The following HSPB1 variants were observed in gnomAD, a reference collection of about 807,000 sequenced individuals.
HSPB1 encodes the protein heat shock protein family B (small) member 1.
In HSPB1, 19 loss-of-function variants were observed where a neutral mutation model predicts 17.0. The ratio of observed to expected loss-of-function variants is 1.12; its 90% confidence interval spans 0.78 to 1.64. HSPB1 has a LOEUF of 1.64. Among genes scored for constraint, HSPB1 ranks in the 40% most tolerant of loss-of-function variants. The pLI is 0.00. For missense variants in HSPB1, 348 were observed against 289.2 expected (o/e 1.20, Z -1.47); for synonymous variants, 165 against 129.8 (o/e 1.27, Z -1.84).
intron 1 of HSPB1, chr7:76,303,573 C>A: frequency 1.7e-6 from 1 of 603,870 alleles, no homozygotes; most frequent in Middle Eastern, 4.5e-4. Flanking sequence ...ACTGCTCACT[C>A]CCCAGCTCCG....
chr7:76,303,129 G>C lies in HSPB1; in HGVS notation c.364+53G>C, dbSNP rs148768691. The C allele has an allele frequency of 8.1e-5, 121 of 1,493,962 alleles. 1 individual carries two copies. In the East Asian group the frequency reaches 3.0e-3, roughly 37 times the overall value. The allele number at this position is 1,493,962 out of a possible 1,614,324, so 92.5% of individuals were successfully genotyped here. On this transcript the variant is annotated intron_variant, in intron 1 of 2. Coordinates refer to ENST00000248553, the MANE Select transcript of HSPB1 (RefSeq NM_001540.5). ...AGGAGGAGGCTAGCAGGGCGGGCAG[G>C]GCCGGGGGCGTGCGGTTGAAACGGG...
At position 76,304,046 on chromosome 7, in the gene HSPB1, C is replaced by T. The variant is rs1193492001; in HGVS notation, c.491C>T (p.Thr164Ile). Residue 164 changes from threonine (T) to isoleucine (I), a missense_variant, in exon 3 of 3, where the codon ACC becomes ATC. Transcript: ENST00000248553. ...TCCCTGTCCCCTGAGGGCACACTGACCGTGGAGGCCCCCATGCCCAAGCTA... is the reference window on the plus strand; with the variant it reads ...TCCCTGTCCCCTGAGGGCACACTGATCGTGGAGGCCCCCATGCCCAAGCTA... ...SSSLSPEGTL[T>I]VEAPMPKLAT... The T allele has an allele frequency of 6.2e-7, 1 of 1,613,736 alleles. No individual in the cohort carries two copies. The highest frequency in any genetic ancestry group is 8.5e-7 in the Non-Finnish European group (1 of 1,179,982).
intron 1 of HSPB1, chr7:76,303,600 T>G: frequency 1.6e-6 from 1 of 626,672 alleles, no homozygotes; most frequent in East Asian, 2.7e-5. Flanking sequence ...GCTCCGTTCC[T>G]CCCAAAACTC....
intron 1 of HSPB1, 56 bp downstream of exon 1, chr7:76,303,132 CG>C (rs1803034521): frequency 1.3e-6 from 2 of 1,488,466 alleles, no homozygotes; most frequent in South Asian, 1.3e-5. Context: ...CGGGCAGGGC[CG>C]GGGGCGTGCG....
chr7:76,303,668 TCCCCAACCCC>T, intron 1 of HSPB1, 124 bp from the exon 2 acceptor site: 5 of 680,536 alleles, frequency 7.3e-6, no homozygotes, highest in Non-Finnish European at 1.3e-5. Context: ...CACGCCCCCA[TCCCCAACCCC>T]CTCTGTTAAT....
intron 2 of HSPB1, 46 bp downstream of exon 2, chr7:76,303,911 G>C (rs1272337953): frequency 6.2e-7 from 1 of 1,609,856 alleles, no homozygotes; most frequent in Non-Finnish European, 8.5e-7. Flanking sequence ...CGTGGGGGTG[G>C]GGTCAGGGAA....
In HSPB1 at chr7:76,302,746, C is replaced by A. The variant is rs764636205; in HGVS notation, c.34C>A (p.Arg12=). The change falls in exon 1 of 3, where the codon CGG becomes AGG. Residue 12 remains arginine, a synonymous_variant. Transcript: ENST00000248553. ...GCGCCGCGTCCCCTTCTCGCTCCTG[C>A]GGGGCCCCAGCTGGGACCCCTTCCG... is the stretch of plus-strand genomic sequence containing the variant. ...TERRVPFSLL[R]GPSWDPFRDW... 4 of 1,605,676 alleles carry A rather than the reference C, an allele frequency of 2.5e-6. No homozygotes were observed. The African/African-American group carries it at 4.0e-5, about 16-fold the overall frequency.
Position 76,304,168 on chromosome 7 carries a change from A to C in HSPB1, c.613A>C (p.Lys205Gln). ...TGCAAAATCCGATGAGACTGCCGCC[A>C]AGTAAAGCCTTAGCCCGGATGCCCA... is the stretch of plus-strand genomic sequence containing the variant. ...EAAKSDETAA[K>Q] The change falls in exon 3 of 3, where the codon AAG becomes CAG. Residue 205 changes from lysine to glutamine, a missense_variant. Transcript: ENST00000248553. 6.2e-7 allele frequency: 1 copy of C among 1,609,972 alleles called. No individual in the cohort carries two copies. Among genetic ancestry groups the C allele is most frequent in the Non-Finnish European group, 8.5e-7 (1 of 1,178,420 alleles).
chr7:76,302,812 GGGCTGCCCC>G lies in HSPB1; in HGVS notation c.108_116del (p.Arg37_Pro39del). 6.2e-7 allele frequency: 1 copy of G among 1,607,554 alleles called. No homozygotes were observed. Among genetic ancestry groups the G allele is most frequent in the Non-Finnish European group, 8.5e-7 (1 of 1,179,034 alleles). On this transcript the variant is annotated inframe_deletion, in exon 1 of 3. Transcript: ENST00000248553. ...TAGCCGCCTCTTCGACCAGGCCTTC[GGGCTGCCCC>G]GGCTGCCGGAGGAGTGGTCGCAGTG...
intron 1 of HSPB1, 72 bp from the exon 2 acceptor site, chr7:76,303,730 G>A (rs1803055790): frequency 7.3e-7 from 1 of 1,360,726 alleles, no homozygotes; most frequent in Non-Finnish European, 1.1e-6. Flanking sequence ...AGCAGGAGGT[G>A]GGGCCTCTGG....
At chr7:76,303,633 GT>G (rs1803051542) in intron 1 of HSPB1, 168 bp from the exon 2 acceptor site, 1 of 646,508 alleles carries the variant, frequency 1.5e-6, no homozygotes, top group Non-Finnish European at 2.8e-6. Context: ...CTTTCCGGAA[GT>G]TTCTGAGAGC....
Position 76,303,922 on chromosome 7 carries a change from G to C in HSPB1, c.428+57G>C, listed in dbSNP as rs368113633. 23 of 1,610,362 alleles carry C rather than the reference G, an allele frequency of 1.4e-5. No homozygotes were observed. In the East Asian group the frequency reaches 1.8e-4, roughly 12 times the overall value. Reference sequence around the variant, plus strand: ...GTGGCGTGGGGGTGGGGTCAGGGAAGAGGGCACAGGGACCCACCCGGTGTG... The same window carrying C: ...GTGGCGTGGGGGTGGGGTCAGGGAACAGGGCACAGGGACCCACCCGGTGTG... On this transcript the variant is annotated intron_variant, in intron 2 of 2. Transcript: ENST00000248553.
Position 76,304,069 on chromosome 7 carries a change from C to T in HSPB1, c.514C>T (p.Leu172=). 1 of 1,613,810 alleles carries T rather than the reference C, an allele frequency of 6.2e-7. No homozygotes were observed. The highest frequency in any genetic ancestry group is 8.5e-7 in the Non-Finnish European group (1 of 1,179,932). ...TLTVEAPMPK[L]ATQSNEITIP... Reference sequence around the variant, plus strand: ...GACCGTGGAGGCCCCCATGCCCAAGCTAGCCACGCAGTCCAACGAGATCAC... The same window carrying T: ...GACCGTGGAGGCCCCCATGCCCAAGTTAGCCACGCAGTCCAACGAGATCAC... Residue 172 remains leucine (L), a synonymous_variant, in exon 3 of 3, where the codon CTA becomes TTA. Transcript: ENST00000248553.
intron 1 of HSPB1, 192 bp from the exon 2 acceptor site, chr7:76,303,610 C>T (rs1583965662): frequency 4.7e-6 from 3 of 635,218 alleles, no homozygotes; most frequent in East Asian, 5.5e-5. Context: ...TCCCAAAACT[C>T]TGAATCGAAG....
At position 76,304,106 on chromosome 7, in the gene HSPB1, C is replaced by T. The variant is rs1803072212; in HGVS notation, c.551C>T (p.Thr184Ile). The T allele has an allele frequency of 6.2e-7, 1 of 1,613,710 alleles. No individual in the cohort carries two copies. The highest frequency in any genetic ancestry group is 8.5e-7 in the Non-Finnish European group (1 of 1,179,894). ...TCCAACGAGATCACCATCCCAGTCACCTTCGAGTCGCGGGCCCAGCTTGGG... is the reference window on the plus strand; with the variant it reads ...TCCAACGAGATCACCATCCCAGTCATCTTCGAGTCGCGGGCCCAGCTTGGG... ...TQSNEITIPV[T>I]FESRAQLGGP... The change falls in exon 3 of 3, where the codon ACC becomes ATC. Residue 184 changes from threonine (T) to isoleucine (I), a missense_variant. Physicochemically the swap from Thr to Ile is moderately conservative, Grantham distance 89 (BLOSUM62 -1). Coordinates refer to ENST00000248553, the MANE Select transcript of HSPB1 (RefSeq NM_001540.5).
Position 76,303,546 on chromosome 7 carries a change from T to TC in HSPB1, c.365-254dup, listed in dbSNP as rs903729591. On this transcript the variant is annotated intron_variant, in intron 1 of 2. Transcript: ENST00000248553. Reference sequence around the variant, plus strand: ...GCCGCTGAGTGGGCGTGTGCGCGGCTCCAAGTGCGCCTGCGTACTGCTCAC... The same window carrying TC: ...GCCGCTGAGTGGGCGTGTGCGCGGCTCCCAAGTGCGCCTGCGTACTGCTCAC... 2.0e-4 allele frequency: 117 copies of TC among 582,280 alleles called. 1 individual carries two copies. The highest frequency in any genetic ancestry group is 2.2e-5 in the Non-Finnish European group (7 of 325,170). The allele number at this position is 582,280 out of a possible 1,614,324, so 36.1% of individuals were successfully genotyped here. A position where few individuals can be genotyped will look rare whatever the true frequency, so the allele number is the denominator to read the frequency against.
chr7:76,303,448 A>G (rs1029528715), intron 1 of HSPB1: 7 of 509,276 alleles, frequency 1.4e-5, no homozygotes, highest in Admixed American at 3.6e-5. Flanking sequence ...GCGCTTTTCT[A>G]CAGAGTCCCC....
rs762032846 is a variant in HSPB1, at chr7:76,302,811, C to T, written c.99C>T (p.Phe33=). 1.2e-6 allele frequency: 2 copies of T among 1,607,574 alleles called. No homozygotes were observed. The highest frequency in any genetic ancestry group is 3.3e-5 in the Admixed American group (2 of 59,754). Residue 33 remains phenylalanine, a synonymous_variant, in exon 1 of 3, where the codon TTC becomes TTT. Coordinates refer to ENST00000248553, the MANE Select transcript of HSPB1 (RefSeq NM_001540.5). ...ATAGCCGCCTCTTCGACCAGGCCTTCGGGCTGCCCCGGCTGCCGGAGGAGT... is the reference window on the plus strand; with the variant it reads ...ATAGCCGCCTCTTCGACCAGGCCTTTGGGCTGCCCCGGCTGCCGGAGGAGT... The part of the protein sequence containing the change: ...YPHSRLFDQA[F]GLPRLPEEWS...
chr7:76,302,960 G>C lies in HSPB1; in HGVS notation c.248G>C (p.Ser83Thr), dbSNP rs1162506286. Residue 83 changes from serine to threonine, a missense_variant, in exon 1 of 3, where the codon AGC becomes ACC. By Grantham distance (58) the Ser-to-Thr change is moderately conservative (BLOSUM62 1). Transcript: ENST00000248553. ...YSRALSRQLS[S>T]GVSEIRHTAD... is the part of the protein sequence containing the mutation. Reference sequence around the variant, plus strand: ...CGCGCGCTCAGCCGGCAACTCAGCAGCGGGGTCTCGGAGATCCGGCACACT... The same window carrying C: ...CGCGCGCTCAGCCGGCAACTCAGCACCGGGGTCTCGGAGATCCGGCACACT... The C allele has an allele frequency of 1.3e-5, 20 of 1,544,346 alleles. No individual in the cohort carries two copies. Among genetic ancestry groups the C allele is most frequent in the Non-Finnish European group, 1.7e-5 (19 of 1,150,410 alleles).
Sources: allele counts gnomAD v4.1 joint callset, GRCh38; gene constraint gnomAD v4.1.1; transcripts MANE v1.5; gene names NCBI Gene and HGNC (gene_info 2026-07-23, HGNC 2026-07-21).